Variants in ZGPAT observed in about 807,000 individuals in gnomAD.
The protein encoded by ZGPAT is zinc finger CCCH-type and G-patch domain containing, also known as zinc finger CCCH-type with G patch domain-containing protein.
ZGPAT carries 39 observed loss-of-function variants against 47.9 expected under a neutral mutation model. The ratio of observed to expected loss-of-function variants is 0.81; its 90% confidence interval spans 0.63 to 1.06. The LOEUF (loss-of-function observed/expected upper bound fraction) is 1.06. Among genes scored for constraint, ZGPAT ranks in the 50% least tolerant of loss-of-function variants. The pLI, the probability that ZGPAT is intolerant of heterozygous loss-of-function variation, is 0.00. For synonymous variants in ZGPAT, 348 were observed against 292.9 expected, an observed-to-expected ratio of 1.19 and a Z score of -1.92; for missense variants, 717 against 681.4, an observed-to-expected ratio of 1.05 and a Z score of -0.58.
At chr20:63,722,209 G>C (rs571600913) in intron 2 of ZGPAT, among the ~76,000 whole-genome samples, 40 of 152,258 alleles carry the variant, frequency 2.6e-4, no homozygotes, top group African/African-American at 9.6e-4. Flanking sequence ...CAGAAATACA[G>C]GTTGCCTTCC....
At chr20:63,723,863 G>A (rs1247054484) in intron 2 of ZGPAT, among the ~76,000 whole-genome samples, 1 of 152,244 alleles carries the variant, frequency 6.6e-6, no homozygotes, top group East Asian at 1.9e-4. Flanking sequence ...CTGAGCCAGG[G>A]AGTTGGAGAC....
At chr20:63,732,159 G>A (rs548563485) in intron 2 of ZGPAT, among the ~76,000 whole-genome samples, 13 of 151,830 alleles carry the variant, frequency 8.6e-5, no homozygotes, top group Non-Finnish European at 1.2e-4. Flanking sequence ...ATGTGTGTGC[G>A]CGTGTGGGTG....
intron 2 of ZGPAT, among the ~76,000 whole-genome samples, chr20:63,732,506 CGT>C (rs979040648): frequency 1.5e-4 from 21 of 142,694 alleles, no homozygotes; most frequent in Admixed American, 2.1e-4. Context: ...GGTGAGGGCA[CGT>C]GTGCGCGCGT....
chr20:63,735,227 C>A lies in ZGPAT; in HGVS notation c.1060C>A (p.Leu354Met). 6.3e-7 allele frequency: 1 copy of A among 1,584,578 alleles called. No homozygotes were observed. Among genetic ancestry groups the A allele is most frequent in the Non-Finnish European group, 8.6e-7 (1 of 1,165,896 alleles). Reference protein sequence around the residue: ...HAVVLPRGKSLDQCVETLQKQ... With the variant: ...HAVVLPRGKSMDQCVETLQKQ... ...TGTGGTGTTGCCTCGAGGGAAGTCG[C>A]TGGACCAGTGTGTGGAGACCCTGCA... Residue 354 changes from leucine (L) to methionine (M), a missense_variant, in exon 6 of 7, where the codon CTG (leucine) becomes ATG (methionine). By Grantham distance (15) the Leu-to-Met change is conservative. Coordinates refer to ENST00000355969, the MANE Select transcript of ZGPAT (RefSeq NM_181485.3).
intron 2 of ZGPAT, among the ~76,000 whole-genome samples, chr20:63,712,108 GTTTTC>G (rs1456897504): frequency 6.6e-6 from 1 of 152,148 alleles, no homozygotes; most frequent in Non-Finnish European, 1.5e-5. Flanking sequence ...TTTCACCTAT[GTTTTC>G]TTCTAAGAGT....
At chr20:63,731,872 A>G (rs1197310350) in intron 2 of ZGPAT, among the ~76,000 whole-genome samples, 1 of 152,240 alleles carries the variant, frequency 6.6e-6, no homozygotes, top group South Asian at 2.1e-4. Context: ...CATAGCATTT[A>G]CATCGTATTA....
In ZGPAT at chr20:63,708,060, C is replaced by T. The variant is rs900393376; in HGVS notation, c.-87C>T. On this transcript the variant is annotated 5_prime_UTR_variant, in exon 1 of 7. Coordinates refer to ENST00000355969, the MANE Select transcript of ZGPAT (RefSeq NM_181485.3). ...AAGCACTTCCGGAAGCGGCGGCGCT[C>T]GGGAGGAAGTGCCGATCGGCTGCTG... The T allele has an allele frequency of 2.6e-5, 4 of 152,170 alleles. No individual in the cohort carries two copies. Among genetic ancestry groups the T allele is most frequent in the Admixed American group, 6.5e-5 (1 of 15,278 alleles). 9.4% of individuals were successfully genotyped at this position (152,170 alleles called of 1,614,324 possible).
intron 2 of ZGPAT, among the ~76,000 whole-genome samples, chr20:63,710,707 C>G (rs922336643): frequency 6.6e-6 from 1 of 152,120 alleles, no homozygotes; most frequent in African/African-American, 2.4e-5. Context: ...AGTTGCATCT[C>G]TAATCTAACT....
chr20:63,724,363 T>TAAAAAA (rs59890523), intron 2 of ZGPAT, among the ~76,000 whole-genome samples: 3 of 124,642 alleles, frequency 2.4e-5, no homozygotes, highest in East Asian at 2.4e-4. Context: ...AGACTCTGCC[T>TAAAAAA]AAAAAAAAAA....
intron 2 of ZGPAT, among the ~76,000 whole-genome samples, chr20:63,732,923 T>C (rs2091934508): frequency 6.6e-6 from 1 of 151,978 alleles, no homozygotes; most frequent in Non-Finnish European, 1.5e-5. Flanking sequence ...TGTATATGCC[T>C]GCATGTATAT....
At chr20:63,735,724 G>A in intron 6 of ZGPAT, 57 bp from the exon 7 acceptor site, 1 of 1,554,672 alleles carries the variant, frequency 6.4e-7, no homozygotes. Flanking sequence ...GGGTACGGCA[G>A]ACTGGGGTTG....
intron 4 of ZGPAT, 65 bp from the exon 5 acceptor site, chr20:63,734,640 T>G: frequency 6.3e-7 from 1 of 1,594,314 alleles, no homozygotes; most frequent in Non-Finnish European, 8.5e-7. Context: ...GTCCATCTCT[T>G]GCAGTGGTGG....
intron 2 of ZGPAT, among the ~76,000 whole-genome samples, chr20:63,717,418 C>T (rs1358694415): frequency 2.2e-5 from 3 of 136,080 alleles, no homozygotes; most frequent in Non-Finnish European, 4.6e-5. Context: ...GGCATGATCT[C>T]AGCTCACTGC....
At chr20:63,732,181 G>A (rs1245079354) in intron 2 of ZGPAT, among the ~76,000 whole-genome samples, 1 of 151,660 alleles carries the variant, frequency 6.6e-6, no homozygotes, top group Admixed American at 6.6e-5. Context: ...CTGCATATGT[G>A]TGTGCATGTG....
Position 63,708,841 on chromosome 20 carries a change from T to A in ZGPAT, c.261T>A (p.Thr87=). The part of the protein sequence containing the change: ...AEYQAFREAI[T]EAVEAPAAAR... ...ACCAGGCTTTCCGGGAGGCCATCAC[T>A]GAGGCGGTGGAGGCACCAGCAGCGG... The change falls in exon 2 of 7, where the codon ACT becomes ACA. Residue 87 remains threonine (T), a synonymous_variant. Transcript: ENST00000355969. The A allele has an allele frequency of 1.0e-5, 16 of 1,605,468 alleles. No homozygotes were observed. Among genetic ancestry groups the A allele is most frequent in the Non-Finnish European group, 1.4e-5 (16 of 1,175,186 alleles).
Position 63,733,631 on chromosome 20 carries a change from C to T in ZGPAT, c.763C>T (p.Leu255=), listed in dbSNP as rs1171522386. The T allele has an allele frequency of 1.9e-6, 3 of 1,614,106 alleles. No homozygotes were observed. The highest frequency in any genetic ancestry group is 1.3e-5 in the African/African-American group (1 of 75,070). ...YYTVKFDSLL[L]REAVVEGDGI... is the part of the protein sequence containing the mutation. ...CACAGTCAAGTTTGACTCGCTGCTG[C>T]TGAGGGAGGCCGTGGTGGAGGGGGA... is the stretch of plus-strand genomic sequence containing the variant. The change falls in exon 4 of 7, where the codon CTG becomes TTG. Residue 255 remains leucine (L), a synonymous_variant. Transcript: ENST00000355969.
At position 63,735,837 on chromosome 20, in the gene ZGPAT, TGGG is replaced by T; in HGVS notation, c.1456_1458del (p.Gly486del). 6.2e-7 allele frequency: 1 copy of T among 1,612,488 alleles called. No individual in the cohort carries two copies. The highest frequency in any genetic ancestry group is 1.3e-5 in the African/African-American group (1 of 75,042). ...AAGCTGGCAGGAGCCCAGCGCCAGC[TGGG>T]GCAGCTCCGGGCTCAGGAAGCCGGC... is the stretch of plus-strand genomic sequence containing the variant. On this transcript the variant is annotated inframe_deletion, in exon 7 of 7. Transcript: ENST00000355969.
intron 2 of ZGPAT, among the ~76,000 whole-genome samples, chr20:63,711,874 C>T (rs1298675119): frequency 6.6e-6 from 1 of 152,222 alleles, no homozygotes; most frequent in Admixed American, 6.5e-5. Context: ...CATGAGCCAC[C>T]ACACCCGGCC....
At position 63,735,447 on chromosome 20, in the gene ZGPAT, C is replaced by A; in HGVS notation, c.1280C>A (p.Ala427Asp). 6.4e-7 allele frequency: 1 copy of A among 1,569,916 alleles called. No homozygotes were observed. Among genetic ancestry groups the A allele is most frequent in the Non-Finnish European group, 8.6e-7 (1 of 1,161,740 alleles). The change falls in exon 6 of 7, where the codon GCC becomes GAC. Residue 427 changes from alanine to aspartate, a missense_variant. By Grantham distance (126) the Ala-to-Asp change is moderately radical. Transcript: ENST00000355969. Reference protein sequence around the residue: ...AGRRSKDMYHASKSAKRALSL... With the variant: ...AGRRSKDMYHDSKSAKRALSL... ...AGGAGGAGCAAGGACATGTACCATG[C>A]CAGCAAGAGTGCCAAGCGGGCCCTG...
Sources: gnomAD v4.1 joint callset for allele counts (sites outside exome capture counted in the v4.1 genomes callset) on GRCh38, gnomAD v4.1.1 for gene constraint, MANE v1.5 for transcripts, NCBI Gene and HGNC (gene_info 2026-07-23, HGNC 2026-07-21) for gene names.